Variants in MECOM observed in about 807,000 individuals in gnomAD.
MECOM encodes histone-lysine N-methyltransferase MECOM.
Under a neutral mutation model 116.3 loss-of-function variants are expected in MECOM, and 13 were observed. The ratio of observed to expected loss-of-function variants is 0.11; its 90% CI spans 0.07 to 0.18. MECOM has a LOEUF of 0.18. Ranked by LOEUF, MECOM falls within the 10% of genes least tolerant of loss-of-function variation. The pLI, the probability that MECOM is intolerant of heterozygous loss-of-function variation, is 1.00. For synonymous variants in MECOM, 528 were observed against 535.2 expected, an observed-to-expected ratio of 0.99 and a Z score of 0.19; for missense variants, 1,299 against 1,509.0, an observed-to-expected ratio of 0.86 and a Z score of 2.31.
intron 1 of MECOM, among the ~76,000 whole-genome samples, chr3:169,574,593 G>A (rs959618756): frequency 4.6e-5 from 7 of 152,092 alleles, no homozygotes; most frequent in African/African-American, 1.4e-4. Flanking sequence ...TTTTTGTGAC[G>A]GTACTTTAGA....
chr3:169,111,301 C>A (rs539987203), intron 9 of MECOM, among the ~76,000 whole-genome samples: 9 of 152,186 alleles, frequency 5.9e-5, no homozygotes, highest in South Asian at 2.1e-4. Context: ...ATTATCAGAA[C>A]ATGAAAATCA....
At chr3:169,616,058 G>C (rs771497998) in intron 1 of MECOM, among the ~76,000 whole-genome samples, 2 of 152,176 alleles carry the variant, frequency 1.3e-5, no homozygotes, top group African/African-American at 4.8e-5. Context: ...GGAGGCAGAG[G>C]GGGAGTCGCT....
At chr3:169,311,145 A>G (rs564521426) in intron 2 of MECOM, among the ~76,000 whole-genome samples, 1 of 152,342 alleles carries the variant, frequency 6.6e-6, no homozygotes, top group East Asian at 1.9e-4. Flanking sequence ...TGTCTAGCAC[A>G]TCAGAGAGCT....
At chr3:169,642,012 TACA>T (rs1469295816) in intron 1 of MECOM, among the ~76,000 whole-genome samples, 1 of 152,216 alleles carries the variant, frequency 6.6e-6, no homozygotes, top group Non-Finnish European at 1.5e-5. Context: ...AAAGAACTAA[TACA>T]TAGAGTATCA....
At chr3:169,467,397 A>T (rs1347148849) in intron 1 of MECOM, among the ~76,000 whole-genome samples, 2 of 152,178 alleles carry the variant, frequency 1.3e-5, no homozygotes, top group African/African-American at 4.8e-5. Context: ...TCTGTTTTGA[A>T]ACCTAGTTGC....
At chr3:169,360,319 C>CAA in intron 2 of MECOM, among the ~76,000 whole-genome samples, 32,454 of 87,552 alleles carry the variant, frequency 0.37, 5,912 homozygotes, top group Admixed American at 0.45. Context: ...AAAGTTACAC[C>CAA]AAAAAAAAAA....
chr3:169,381,638 T>C, intron 1 of MECOM, 114 bp from the exon 2 acceptor site: 1 of 773,954 alleles, frequency 1.3e-6, no homozygotes, highest in Non-Finnish European at 2.0e-6. Flanking sequence ...AAGACCATTG[T>C]TACGATGTGC....
Position 169,428,583 on chromosome 3 carries a change from A to G in MECOM, c.38-47059T>C, listed in dbSNP as rs150917808. 5.3e-5 allele frequency among the ~76,000 whole-genome samples: 8 copies of G among 152,328 alleles called. No individual in the cohort carries two copies. In the East Asian group the frequency reaches 1.3e-3, roughly 26 times the overall value. On this transcript the variant is annotated intron_variant, in intron 1 of 16. Coordinates refer to ENST00000651503, the MANE Select transcript of MECOM (RefSeq NM_004991.4). The stretch of plus-strand genomic sequence containing the variant: ...ACCCCTGCTTTAAGCTACTCAGTCT[A>G]TGGTATTTTGTTATGACAGCCCTAG...
chr3:169,268,209 T>A lies in MECOM; in HGVS notation c.375+112978A>T, dbSNP rs114013445. On this transcript the variant is annotated intron_variant, in intron 2 of 16. Coordinates refer to ENST00000651503, the MANE Select transcript of MECOM (RefSeq NM_004991.4). ...TACCAACCTTGTGAAAAAAGATGTATGTCTAAGTTTATGGCGACAAACAGT... is the reference window on the plus strand; with the variant it reads ...TACCAACCTTGTGAAAAAAGATGTAAGTCTAAGTTTATGGCGACAAACAGT... Among the ~76,000 whole-genome samples, 187 of 152,258 alleles carry A rather than the reference T, an allele frequency of 1.2e-3. 2 individuals are homozygous for A. The highest frequency in any genetic ancestry group is 4.2e-3 in the African/African-American group (173 of 41,550).
chr3:169,160,141 A>C (rs549446214), intron 2 of MECOM, among the ~76,000 whole-genome samples: 7 of 152,258 alleles, frequency 4.6e-5, no homozygotes, highest in Non-Finnish European at 8.8e-5. Flanking sequence ...TCAGGCAGCA[A>C]TTTGCTTCTG....
At chr3:169,553,426 T>C (rs891708934) in intron 1 of MECOM, among the ~76,000 whole-genome samples, 2 of 152,172 alleles carry the variant, frequency 1.3e-5, no homozygotes, top group Admixed American at 1.3e-4. Flanking sequence ...ACAGCAGAAA[T>C]TTTTGTCTAT....
intron 2 of MECOM, among the ~76,000 whole-genome samples, chr3:169,213,327 C>T (rs1214404576): frequency 6.6e-6 from 1 of 151,872 alleles, no homozygotes; most frequent in African/African-American, 2.4e-5. Flanking sequence ...GAAAAGTGTT[C>T]TGGAAGATTA....
intron 1 of MECOM, among the ~76,000 whole-genome samples, chr3:169,535,376 A>G (rs1759221122): frequency 6.6e-6 from 1 of 152,130 alleles, no homozygotes; most frequent in Non-Finnish European, 1.5e-5. Flanking sequence ...CTAGTTCTAT[A>G]TTTAATTCTA....
chr3:169,329,617 T>C (rs567946180), intron 2 of MECOM, among the ~76,000 whole-genome samples: 20 of 152,340 alleles, frequency 1.3e-4, no homozygotes, highest in African/African-American at 4.8e-4. Context: ...CCTGAGCCAG[T>C]TCTTGTTCAT....
chr3:169,486,636 A>T (rs1418691942), intron 1 of MECOM, among the ~76,000 whole-genome samples: 1 of 152,148 alleles, frequency 6.6e-6, no homozygotes, highest in Non-Finnish European at 1.5e-5. Flanking sequence ...AATCAATCTG[A>T]GTTAAAAAAA....
chr3:169,287,961 C>T (rs1713693485), intron 2 of MECOM, among the ~76,000 whole-genome samples: 1 of 152,128 alleles, frequency 6.6e-6, no homozygotes, highest in South Asian at 2.1e-4. Context: ...TACAAAATAT[C>T]CAAGACATTT....
rs114805191 is a variant in MECOM at position 169,414,777 on chromosome 3, G to A, written c.38-33253C>T. Reference sequence around the variant, plus strand: ...GCCCAATCAATCAAGTGGAAGAAAGGGTATCAGAGATTGAAGATCAACTTA... The same window carrying A: ...GCCCAATCAATCAAGTGGAAGAAAGAGTATCAGAGATTGAAGATCAACTTA... On this transcript the variant is annotated intron_variant, in intron 1 of 16. Transcript: ENST00000651503. 8.1e-3 allele frequency among the ~76,000 whole-genome samples: 1,235 copies of A among 152,068 alleles called. 7 individuals carry two copies. The highest frequency in any genetic ancestry group is 9.6e-3 in the Non-Finnish European group (653 of 67,984).
At chr3:169,527,096 A>G (rs545958112) in intron 1 of MECOM, among the ~76,000 whole-genome samples, 2 of 152,374 alleles carry the variant, frequency 1.3e-5, no homozygotes, top group South Asian at 4.1e-4. Flanking sequence ...GCAATGGATC[A>G]TTACAGTTTC....
intron 8 of MECOM, among the ~76,000 whole-genome samples, chr3:169,113,476 T>C (rs73167920): frequency 0.063 from 9,504 of 151,432 alleles, 444 homozygotes; most frequent in South Asian, 0.2. Context: ...AGAGAGAATA[T>C]ATGCTCTTTG....
Sources: allele counts gnomAD v4.1 joint callset (sites outside exome capture counted in the v4.1 genomes callset), GRCh38; gene constraint gnomAD v4.1.1; transcripts MANE v1.5; gene names NCBI Gene and HGNC (gene_info 2026-07-23, HGNC 2026-07-21).